The following KLHDC1 variants were observed in gnomAD, a reference collection of about 807,000 sequenced individuals.
KLHDC1 encodes the protein kelch domain containing 1.
Under a neutral mutation model 68.3 loss-of-function variants are expected in KLHDC1, and 53 were observed. The observed-to-expected ratio is 0.78, with a 90% confidence interval of 0.62 to 0.98. The LOEUF (loss-of-function observed/expected upper bound fraction) is 0.98. KLHDC1 is among the 50% of genes least tolerant of loss of function. The pLI, the probability that KLHDC1 is intolerant of heterozygous loss-of-function variation, is 0.00. For missense variants in KLHDC1, 470 were observed against 492.3 expected (o/e 0.95, Z 0.43); for synonymous variants, 148 against 159.0 (o/e 0.93, Z 0.52).
chr14:49,722,307 T>C (rs1888548714), intron 4 of KLHDC1, among the ~76,000 whole-genome samples: 1 of 152,190 alleles, frequency 6.6e-6, no homozygotes, highest in Non-Finnish European at 1.5e-5. Flanking sequence ...GATATTCCCC[T>C]TCCTGTGTCC....
Position 49,732,751 on chromosome 14 carries a change from T to C in KLHDC1, c.758T>C (p.Leu253Ser). 6.2e-7 allele frequency: 1 copy of C among 1,610,540 alleles called. No individual in the cohort carries two copies. The highest frequency in any genetic ancestry group is 8.5e-7 in the Non-Finnish European group (1 of 1,176,952). Reference protein sequence around the residue: ...ESPKHRSWHTLTPIADDKLFL... With the variant: ...ESPKHRSWHTSTPIADDKLFL... ...CCAAAACATCGGTCATGGCATACTT[T>C]AACACCTATAGCTGATGATAAACTT... Residue 253 changes from leucine (L) to serine (S), a missense_variant, in exon 9 of 13, where the codon TTA becomes TCA. Physicochemically the swap from Leu to Ser is moderately radical, Grantham distance 145. Coordinates refer to ENST00000359332, the MANE Select transcript of KLHDC1 (RefSeq NM_172193.3).
chr14:49,748,664 A>T (rs1456044844), intron 12 of KLHDC1, among the ~76,000 whole-genome samples: 1 of 152,066 alleles, frequency 6.6e-6, no homozygotes, highest in Non-Finnish European at 1.5e-5. Flanking sequence ...TACCAAGAAA[A>T]TTCATACGAT....
chr14:49,722,925 A>G (rs2139751532), intron 4 of KLHDC1, among the ~76,000 whole-genome samples: 1 of 151,804 alleles, frequency 6.6e-6, no homozygotes, highest in Non-Finnish European at 1.5e-5. Context: ...TGTCTCTACT[A>G]AGAATACAAA....
At position 49,748,043 on chromosome 14, in the gene KLHDC1, A is replaced by G. The variant is rs554510726; in HGVS notation, c.1035-3543A>G. 3.3e-5 allele frequency among the ~76,000 whole-genome samples: 5 copies of G among 152,338 alleles called. No homozygotes were observed. The East Asian group carries it at 9.6e-4, about 29-fold the overall frequency. ...GAGAACCGAGAAGAGTCCAAAGAGT[A>G]AGGGAATGTAAGAATTAAAAGGATA... On this transcript the variant is annotated intron_variant, in intron 12 of 12. Coordinates refer to ENST00000359332, the MANE Select transcript of KLHDC1 (RefSeq NM_172193.3).
chr14:49,693,748 C>CTTTTTCTTTTTT (rs1555337323), intron 1 of KLHDC1, among the ~76,000 whole-genome samples: 1 of 61,536 alleles, frequency 1.6e-5, no homozygotes, highest in African/African-American at 5.4e-5. Context: ...TTTTCTTTTT[C>CTTTTTCTTTTTT]TTTTTTTTTT....
intron 8 of KLHDC1, among the ~76,000 whole-genome samples, chr14:49,731,018 G>A (rs376027364): frequency 2.7e-5 from 4 of 150,150 alleles, no homozygotes; most frequent in African/African-American, 9.8e-5. Flanking sequence ...AGTGGTACAC[G>A]CCTGTAATCC....
chr14:49,729,780 T>G (rs1888758452), intron 8 of KLHDC1, among the ~76,000 whole-genome samples: 1 of 152,252 alleles, frequency 6.6e-6, no homozygotes, highest in African/African-American at 2.4e-5. Context: ...GGTTTTATAC[T>G]AAGTAGTTTT....
chr14:49,734,897 G>C (rs190324831), intron 10 of KLHDC1, among the ~76,000 whole-genome samples: 339 of 151,958 alleles, frequency 2.2e-3, no homozygotes, highest in South Asian at 3.7e-3. Flanking sequence ...ATTCTTTTAG[G>C]TAAATGCATA....
intron 1 of KLHDC1, among the ~76,000 whole-genome samples, chr14:49,696,713 A>AT (rs1887753157): frequency 6.6e-6 from 1 of 151,944 alleles, no homozygotes; most frequent in Non-Finnish European, 1.5e-5. Flanking sequence ...CATATTACTC[A>AT]TTTTTCATTA....
intron 1 of KLHDC1, among the ~76,000 whole-genome samples, chr14:49,697,698 T>C (rs1887783759): frequency 6.6e-6 from 1 of 152,236 alleles, no homozygotes; most frequent in South Asian, 2.1e-4. Flanking sequence ...GTTGTTGTTT[T>C]GTGTGTTTAT....
intron 4 of KLHDC1, among the ~76,000 whole-genome samples, chr14:49,720,841 G>A (rs1204225527): frequency 6.6e-6 from 1 of 152,008 alleles, no homozygotes; most frequent in African/African-American, 2.4e-5. Flanking sequence ...GTTTTCCATT[G>A]CTGTGTCAAG....
At chr14:49,711,430 C>G (rs1203707754) in intron 4 of KLHDC1, among the ~76,000 whole-genome samples, 2 of 152,130 alleles carry the variant, frequency 1.3e-5, no homozygotes, top group East Asian at 3.8e-4. Context: ...ATCTCGATCT[C>G]CTGTGCTTGT....
chr14:49,705,500 C>G (rs1888027808), intron 1 of KLHDC1, among the ~76,000 whole-genome samples: 1 of 151,072 alleles, frequency 6.6e-6, no homozygotes, highest in Non-Finnish European at 1.5e-5. Flanking sequence ...TCCTGAATAG[C>G]TAAGACTATA....
intron 1 of KLHDC1, among the ~76,000 whole-genome samples, chr14:49,706,853 G>A (rs1037453167): frequency 7.2e-5 from 11 of 152,068 alleles, no homozygotes; most frequent in East Asian, 1.9e-4. Context: ...CTGTAGAGTC[G>A]TTTGAGCTCC....
At chr14:49,697,503 C>T (rs955558526) in intron 1 of KLHDC1, among the ~76,000 whole-genome samples, 1 of 152,144 alleles carries the variant, frequency 6.6e-6, no homozygotes, top group Non-Finnish European at 1.5e-5. Context: ...GACACAGACA[C>T]GAAGTGAGCA....
chr14:49,715,386 G>T (rs1888342667), intron 4 of KLHDC1, among the ~76,000 whole-genome samples: 1 of 151,404 alleles, frequency 6.6e-6, no homozygotes, highest in Non-Finnish European at 1.5e-5. Flanking sequence ...CTCCCAAAGT[G>T]CTGGGATTAC....
At chr14:49,735,362 A>G (rs952256895) in intron 10 of KLHDC1, among the ~76,000 whole-genome samples, 1 of 152,042 alleles carries the variant, frequency 6.6e-6, no homozygotes, top group African/African-American at 2.4e-5. Flanking sequence ...TATGTATTTT[A>G]GAATTTTAAA....
At chr14:49,733,177 G>A (rs1488882886) in intron 9 of KLHDC1, among the ~76,000 whole-genome samples, 1 of 152,180 alleles carries the variant, frequency 6.6e-6, no homozygotes, top group Admixed American at 6.6e-5. Context: ...GATTGGAAGA[G>A]CAGCCTTTCT....
intron 6 of KLHDC1, among the ~76,000 whole-genome samples, chr14:49,725,992 C>A (rs1162359334): frequency 6.6e-6 from 1 of 152,004 alleles, no homozygotes; most frequent in Non-Finnish European, 1.5e-5. Context: ...GGACTACAGG[C>A]GTGGACCACC....
Sources: allele counts gnomAD v4.1 joint callset (sites outside exome capture counted in the v4.1 genomes callset), GRCh38; gene constraint gnomAD v4.1.1; transcripts MANE v1.5; gene names NCBI Gene and HGNC (gene_info 2026-07-23, HGNC 2026-07-21).